Variants in RASL12 observed in about 807,000 individuals in gnomAD.
RASL12 encodes the protein ras-like protein family member 12.
A neutral mutation model predicts 22.9 loss-of-function variants in RASL12; 16 were observed. The observed-to-expected ratio is 0.70, with a 90% confidence interval of 0.47 to 1.06. The LOEUF is 1.06. RASL12 is among the 50% of genes least tolerant of loss of function. RASL12 has a pLI of 0.00. For synonymous variants in RASL12, 159 were observed against 152.2 expected, an observed-to-expected ratio of 1.04 and a Z score of -0.33; for missense variants, 306 against 353.1, an observed-to-expected ratio of 0.87 and a Z score of 1.07.
chr15:65,062,057 G>A (rs1346734375), intron 2 of RASL12, among the ~76,000 whole-genome samples: 1 of 150,038 alleles, frequency 6.7e-6, no homozygotes, highest in East Asian at 1.9e-4. Flanking sequence ...CTCCAGCCTG[G>A]GTGACCAAAA....
At chr15:65,050,022 G>A, downstream of RASL12, 1 of 1,551,480 alleles carries the variant, frequency 6.4e-7, no homozygotes, top group South Asian at 1.2e-5. Context: ...ACAGTGAGGG[G>A]GCTCCCGGAG....
At chr15:65,066,206 A>T (rs2140531822) in intron 1 of RASL12, among the ~76,000 whole-genome samples, 1 of 152,102 alleles carries the variant, frequency 6.6e-6, no homozygotes, top group East Asian at 1.9e-4. Flanking sequence ...AGAAAAAGGA[A>T]GGAAGAAAAG....
intron 4 of RASL12, among the ~76,000 whole-genome samples, chr15:65,058,105 C>T (rs185058206): frequency 7.2e-5 from 11 of 152,292 alleles, no homozygotes; most frequent in Admixed American, 6.5e-4. Context: ...CCCATCTCTA[C>T]TAAAAACACA....
chr15:65,063,108 G>T (rs938881369), intron 2 of RASL12, among the ~76,000 whole-genome samples: 1 of 152,086 alleles, frequency 6.6e-6, no homozygotes. Context: ...AGGCTCATCC[G>T]GTGGCACCCT....
chr15:65,074,735 T>C (rs984364714), intron 1 of RASL12, among the ~76,000 whole-genome samples: 2 of 152,226 alleles, frequency 1.3e-5, no homozygotes, highest in Non-Finnish European at 2.9e-5. Context: ...GGTTAGGACA[T>C]TCGCACGAGG....
At position 65,053,354 on chromosome 15, in the gene RASL12, A is replaced by T; in HGVS notation, c.*1545T>A. On this transcript the variant is annotated 3_prime_UTR_variant, in exon 5 of 5. Coordinates refer to ENST00000220062, the MANE Select transcript of RASL12 (RefSeq NM_016563.4). ...AACTAAAATTCTGTTATTAAAAAAAATCTTTTATTAAAATGCTCCTGGAAG... is the reference window on the plus strand; with the variant it reads ...AACTAAAATTCTGTTATTAAAAAAATTCTTTTATTAAAATGCTCCTGGAAG... The T allele has an allele frequency of 1.4e-6, 2 of 1,412,636 alleles. No homozygotes were observed. Among genetic ancestry groups the T allele is most frequent in the Non-Finnish European group, 1.8e-6 (2 of 1,090,916 alleles). The allele number at this position is 1,412,636 out of a possible 1,614,324, so 87.5% of individuals were successfully genotyped here. A position where few individuals can be genotyped will look rare whatever the true frequency, so the allele number is the denominator to read the frequency against.
rs184831316 is a variant in RASL12, at chr15:65,075,015, G to C, written c.70+1514C>G. On this transcript the variant is annotated intron_variant, in intron 1 of 4. Transcript: ENST00000434605. ...AGCCCACTCCCTCAGCTTGCAGGGA[G>C]GTGTGGAGGGAGAGGCGCGAGCGGG... 3.5e-3 allele frequency among the ~76,000 whole-genome samples: 535 copies of C among 152,326 alleles called. 2 individuals are homozygous for C. Among genetic ancestry groups the C allele is most frequent in the Admixed American group, 9.9e-3 (152 of 15,304 alleles).
intron 1 of RASL12, among the ~76,000 whole-genome samples, chr15:65,074,337 C>T (rs141541955): frequency 2.8e-4 from 42 of 152,316 alleles, no homozygotes; most frequent in African/African-American, 9.6e-4. Context: ...CGGGATATTT[C>T]GGATACTGTC....
chr15:65,053,247 G>C, downstream of RASL12: 6 of 1,527,878 alleles, frequency 3.9e-6, no homozygotes, highest in Non-Finnish European at 4.4e-6. Flanking sequence ...AGGTTTTAGA[G>C]TCTCTCCCAA....
chr15:65,059,014 G>C (rs1029776252), intron 3 of RASL12, among the ~76,000 whole-genome samples: 2 of 152,230 alleles, frequency 1.3e-5, no homozygotes, highest in African/African-American at 4.8e-5. Flanking sequence ...GTGTGTGGGA[G>C]AGACCTGGGC....
chr15:65,060,456 T>C (rs2086787929), intron 2 of RASL12, among the ~76,000 whole-genome samples: 1 of 152,242 alleles, frequency 6.6e-6, no homozygotes, highest in Non-Finnish European at 1.5e-5. Flanking sequence ...TACCATACTA[T>C]GAACCAAACT....
rs1187209318 is a variant in RASL12, at chr15:65,055,294, A to T, written c.426-20T>A. ...ACTTGCCTGGTGAGGAAGCAGTGTG[A>T]GGCAGGGAGTTAGGAGCAGGCTGTG... On this transcript the variant is annotated intron_variant, in intron 4 of 4. Transcript: ENST00000220062. The T allele has an allele frequency of 6.6e-7, 1 of 1,526,044 alleles. No homozygotes were observed. The highest frequency in any genetic ancestry group is 1.4e-5 in the African/African-American group (1 of 73,530). The allele number at this position is 1,526,044 out of a possible 1,614,324, so 94.5% of individuals were successfully genotyped here.
chr15:65,045,816 T>C, the RASL12 span, among the ~76,000 whole-genome samples: 1 of 152,240 alleles, frequency 6.6e-6, no homozygotes, highest in African/African-American at 2.4e-5. Flanking sequence ...AATTTAATCA[T>C]GCAAATGACA....
chr15:65,065,912 C>T (rs546472423), intron 1 of RASL12, among the ~76,000 whole-genome samples: 9 of 152,230 alleles, frequency 5.9e-5, no homozygotes, highest in Admixed American at 3.3e-4. Flanking sequence ...AAGAATTAAG[C>T]TCTCTTTGGT....
intron 2 of RASL12, among the ~76,000 whole-genome samples, chr15:65,061,369 C>T (rs1475493285): frequency 6.6e-6 from 1 of 152,216 alleles, no homozygotes; most frequent in Non-Finnish European, 1.5e-5. Context: ...CAAGGGAAGA[C>T]CAGAATCGCC....
At chr15:65,068,139 C>G, upstream of RASL12, 1 of 1,017,450 alleles carries the variant, frequency 9.8e-7, no homozygotes. The surrounding 1 kb of genome is among the most constrained non-coding windows in gnomAD (Gnocchi z 4.2). Context: ...CCGGCCGCGC[C>G]CCCACCGCCG....
chr15:65,062,335 A>T (rs2086818831), intron 2 of RASL12, among the ~76,000 whole-genome samples: 1 of 152,216 alleles, frequency 6.6e-6, no homozygotes. Flanking sequence ...GCCAGAGCAC[A>T]GGCTATTGGT....
intron 1 of RASL12, among the ~76,000 whole-genome samples, chr15:65,074,472 C>A (rs113472578): frequency 0.063 from 9,553 of 152,070 alleles, 402 homozygotes; most frequent in Non-Finnish European, 0.093. Flanking sequence ...CGGCTCACTG[C>A]AACTTCAGCC....
chr15:65,062,621 C>T (rs896851027), intron 2 of RASL12, among the ~76,000 whole-genome samples: 6 of 149,128 alleles, frequency 4.0e-5, no homozygotes, highest in Non-Finnish European at 9.0e-5. Context: ...GTTAAACCCT[C>T]ATCTACACTG....
Sources: allele counts gnomAD v4.1 joint callset (sites outside exome capture counted in the v4.1 genomes callset), GRCh38; gene constraint gnomAD v4.1.1; non-coding constraint Gnocchi (gnomAD v3.1); transcripts MANE v1.5; gene names NCBI Gene and HGNC (gene_info 2026-07-23, HGNC 2026-07-21).